Variants in HS6ST3 observed in about 807,000 individuals in gnomAD.
HS6ST3 encodes heparan-sulfate 6-O-sulfotransferase 3.
HS6ST3 carries 12 observed loss-of-function variants against 36.7 expected under a neutral mutation model. That is an observed-to-expected ratio of 0.33 (90% CI 0.21 to 0.53). The LOEUF (loss-of-function observed/expected upper bound fraction) is 0.53. Ranked by LOEUF, HS6ST3 falls within the 20% of genes least tolerant of loss-of-function variation. The pLI is 0.95. For missense variants in HS6ST3, 584 were observed against 640.9 expected (o/e 0.91, Z 0.96); for synonymous variants, 240 against 257.5 (o/e 0.93, Z 0.65).
chr13:96,830,319 A>G (rs1878749817), intron 1 of HS6ST3, among the ~76,000 whole-genome samples: 1 of 152,188 alleles, frequency 6.6e-6, no homozygotes, highest in Non-Finnish European at 1.5e-5. Flanking sequence ...ATAGTCAGGC[A>G]CACCACCATT....
intron 1 of HS6ST3, among the ~76,000 whole-genome samples, chr13:96,750,471 C>A (rs1876673357): frequency 6.6e-6 from 1 of 152,210 alleles, no homozygotes; most frequent in Non-Finnish European, 1.5e-5. Context: ...AAGATAAAGG[C>A]ATAAGCCATA....
intron 1 of HS6ST3, among the ~76,000 whole-genome samples, chr13:96,715,047 A>C (rs935893863): frequency 6.6e-6 from 1 of 152,264 alleles, no homozygotes; most frequent in South Asian, 2.1e-4. Flanking sequence ...GAAGATTTGC[A>C]AACAGCCCAA....
chr13:96,120,763 T>G (rs1298378085), intron 1 of HS6ST3, among the ~76,000 whole-genome samples: 4 of 152,216 alleles, frequency 2.6e-5, no homozygotes, highest in African/African-American at 9.6e-5. Flanking sequence ...TTTCTGTGTA[T>G]GGAGCTTGGC....
chr13:96,441,833 A>C (rs1171227795), intron 1 of HS6ST3, among the ~76,000 whole-genome samples: 2 of 152,154 alleles, frequency 1.3e-5, no homozygotes, highest in African/African-American at 4.8e-5. Context: ...AAACAGAAAC[A>C]AGAGAAAAAG....
At chr13:96,188,399 G>C (rs2054274347) in intron 1 of HS6ST3, among the ~76,000 whole-genome samples, 1 of 151,942 alleles carries the variant, frequency 6.6e-6, no homozygotes, top group South Asian at 2.1e-4. Context: ...AGAATCTCTT[G>C]AGGCCAGGAG....
intron 1 of HS6ST3, among the ~76,000 whole-genome samples, chr13:96,656,785 TA>T (rs1466266884): frequency 1.3e-5 from 2 of 152,152 alleles, no homozygotes; most frequent in African/African-American, 4.8e-5. Flanking sequence ...CTCCAAGCTT[TA>T]GGCAAGTTCT....
chr13:96,138,268 C>T (rs1220326447), intron 1 of HS6ST3, among the ~76,000 whole-genome samples: 1 of 151,914 alleles, frequency 6.6e-6, no homozygotes, highest in Admixed American at 6.6e-5. Context: ...TATTTGTTAT[C>T]ACTTTATACT....
chr13:96,563,052 A>AG (rs894088570), intron 1 of HS6ST3, among the ~76,000 whole-genome samples: 3 of 152,064 alleles, frequency 2.0e-5, no homozygotes, highest in African/African-American at 7.2e-5. Context: ...AAAAAAAAAA[A>AG]AAAAAAAGTC....
chr13:96,714,850 C>T (rs538794378), intron 1 of HS6ST3, among the ~76,000 whole-genome samples: 15 of 152,110 alleles, frequency 9.9e-5, no homozygotes, highest in Admixed American at 5.2e-4. Context: ...AGCTGCACAC[C>T]GCCATGCCCA....
At chr13:96,521,940 G>A (rs1185387095) in intron 1 of HS6ST3, among the ~76,000 whole-genome samples, 2 of 152,086 alleles carry the variant, frequency 1.3e-5, no homozygotes, top group East Asian at 3.9e-4. Flanking sequence ...TAATTGTGAT[G>A]TTAGGGTGTC....
intron 1 of HS6ST3, among the ~76,000 whole-genome samples, chr13:96,115,294 A>ACTTT (rs2053888600): frequency 1.3e-5 from 2 of 152,108 alleles, no homozygotes; most frequent in Non-Finnish European, 2.9e-5. Context: ...GTTTTACTTT[A>ACTTT]AGTTTCGGGA....
At chr13:96,289,980 C>T (rs996813025) in intron 1 of HS6ST3, among the ~76,000 whole-genome samples, 1 of 152,128 alleles carries the variant, frequency 6.6e-6, no homozygotes, top group African/African-American at 2.4e-5. Context: ...CCCCATATGA[C>T]CCTTCTCAAA....
At chr13:96,822,725 T>G (rs1878563493) in intron 1 of HS6ST3, among the ~76,000 whole-genome samples, 1 of 152,198 alleles carries the variant, frequency 6.6e-6, no homozygotes, top group Non-Finnish European at 1.5e-5. Context: ...AATATGTGTC[T>G]TCCCATAATT....
intron 1 of HS6ST3, among the ~76,000 whole-genome samples, chr13:96,112,613 A>ATATATATATATATATG (rs2053875675): frequency 4.5e-5 from 5 of 110,730 alleles, no homozygotes; most frequent in African/African-American, 1.6e-4. Context: ...ATATATATAT[A>ATATATATATATATATG]TATATATATG....
chr13:96,218,244 G>A (rs1022238382), intron 1 of HS6ST3, among the ~76,000 whole-genome samples: 1 of 152,138 alleles, frequency 6.6e-6, no homozygotes, highest in Admixed American at 6.5e-5. Context: ...GTCAGGTAAG[G>A]GACACAGAAG....
At chr13:96,159,693 C>T (rs1197688164) in intron 1 of HS6ST3, among the ~76,000 whole-genome samples, 1 of 152,172 alleles carries the variant, frequency 6.6e-6, no homozygotes, top group African/African-American at 2.4e-5. Context: ...AAGAAAAAAG[C>T]TGCAGGTATT....
chr13:96,398,111 A>T (rs1338357459), intron 1 of HS6ST3, among the ~76,000 whole-genome samples: 1 of 152,148 alleles, frequency 6.6e-6, no homozygotes, highest in East Asian at 1.9e-4. Flanking sequence ...ACCCTATCTT[A>T]TAGGGTCATT....
chr13:96,655,535 C>G (rs1474242332), intron 1 of HS6ST3, among the ~76,000 whole-genome samples: 1 of 151,978 alleles, frequency 6.6e-6, no homozygotes, highest in Non-Finnish European at 1.5e-5. Context: ...TCTTGGAAGC[C>G]TATATAAAAT....
chr13:96,155,977 C>T (rs1479500089), intron 1 of HS6ST3, among the ~76,000 whole-genome samples: 1 of 152,196 alleles, frequency 6.6e-6, no homozygotes, highest in Non-Finnish European at 1.5e-5. Context: ...TTGAAACATT[C>T]TCTCCCTTTA....
Sources: gnomAD v4.1 joint callset for allele counts (sites outside exome capture counted in the v4.1 genomes callset) on GRCh38, gnomAD v4.1.1 for gene constraint, MANE v1.5 for transcripts, NCBI Gene and HGNC (gene_info 2026-07-23, HGNC 2026-07-21) for gene names.